Variants in ENTPD6 observed in about 807,000 individuals in gnomAD.
ENTPD6 encodes the protein CD39 antigen-like 2.
Under a neutral mutation model 61.5 loss-of-function variants are expected in ENTPD6, and 46 were observed. The ratio of observed to expected loss-of-function variants is 0.75; its 90% CI spans 0.59 to 0.96. The LOEUF (loss-of-function observed/expected upper bound fraction) is 0.96. Among genes scored for constraint, ENTPD6 ranks in the 40% least tolerant of loss-of-function variants. The pLI is 0.00. For synonymous variants in ENTPD6, 252 were observed against 255.5 expected, an observed-to-expected ratio of 0.99 and a Z score of 0.13; for missense variants, 612 against 629.0, an observed-to-expected ratio of 0.97 and a Z score of 0.29.
At position 25,227,460 on chromosome 20, in the gene ENTPD6, T is replaced by C. The variant is rs758678894; in HGVS notation, c.*1863T>C. ...CAAACAACTGGAAGTTTTCCAAAAG[T>C]GCACCAAATAAGTCATGGAATATTT... On this transcript the variant is annotated 3_prime_UTR_variant, in exon 15 of 15. Transcript: ENST00000376652. Among the ~76,000 whole-genome samples, 2 of 152,220 alleles carry C rather than the reference T, an allele frequency of 1.3e-5. No individual in the cohort carries two copies. Among genetic ancestry groups the C allele is most frequent in the Non-Finnish European group, 2.9e-5 (2 of 68,038 alleles).
intron 10 of ENTPD6, among the ~76,000 whole-genome samples, chr20:25,220,052 C>T (rs6050450): frequency 0.021 from 3,219 of 152,280 alleles, 104 homozygotes; most frequent in African/African-American, 0.07. Flanking sequence ...TCCTCTCACA[C>T]CCAGCAGAGC....
intron 4 of ENTPD6, 70 bp downstream of exon 4, chr20:25,209,995 T>C: frequency 7.5e-7 from 1 of 1,324,820 alleles, no homozygotes; most frequent in South Asian, 1.2e-5. Flanking sequence ...TTCCTTTGAA[T>C]GTGGTAGGCT....
chr20:25,223,015 G>T, intron 12 of ENTPD6, 37 bp downstream of exon 12: 1 of 1,566,974 alleles, frequency 6.4e-7, no homozygotes, highest in East Asian at 2.3e-5. Flanking sequence ...GGAAGGTCGG[G>T]GCGGCAGGGG....
chr20:25,220,128 T>G (rs1005044162), intron 10 of ENTPD6, among the ~76,000 whole-genome samples: 1 of 152,162 alleles, frequency 6.6e-6, no homozygotes, highest in African/African-American at 2.4e-5. Flanking sequence ...ATTTGGGGGC[T>G]GTGAGGACCC....
Position 25,218,575 on chromosome 20 carries a change from G to T in ENTPD6, c.904G>T (p.Ala302Ser). The part of the protein sequence containing the change: ...YSYLGLGLMS[A>S]RLAILGGVEG... The stretch of plus-strand genomic sequence containing the variant: ...CTACCTCGGGCTCGGGCTGATGTCG[G>T]CACGCCTGGCGATCCTGGGCGGCGT... The change falls in exon 10 of 15, where the codon GCA (alanine) becomes TCA (serine). Residue 302 changes from alanine to serine, a missense_variant. By Grantham distance (99) the Ala-to-Ser change is moderately conservative (BLOSUM62 1). Coordinates refer to ENST00000376652, the MANE Select transcript of ENTPD6 (RefSeq NM_001247.5). 1.2e-6 allele frequency: 2 copies of T among 1,607,838 alleles called. No homozygotes were observed. The highest frequency in any genetic ancestry group is 2.2e-5 in the South Asian group (2 of 89,462).
intron 1 of ENTPD6, among the ~76,000 whole-genome samples, chr20:25,199,650 ACTGCCCTCAGCAC>A (rs539905935): frequency 9.3e-4 from 141 of 152,080 alleles, no homozygotes; most frequent in Admixed American, 2.5e-3. Context: ...CTCCTCACCC[ACTGCCCTCAGCAC>A]CTGCCCTTCT....
intron 8 of ENTPD6, 92 bp downstream of exon 8, chr20:25,216,828 TGGGGTGG>T: frequency 3.3e-6 from 1 of 301,424 alleles, no homozygotes; most frequent in Non-Finnish European, 6.6e-6. Flanking sequence ...TGCTGCGGGG[TGGGGTGG>T]GGGGTGGGGT....
chr20:25,214,043 G>A (rs979835747), intron 5 of ENTPD6, among the ~76,000 whole-genome samples: 46 of 152,324 alleles, frequency 3.0e-4, no homozygotes, highest in African/African-American at 1.0e-3. Flanking sequence ...GCTGAAGCCC[G>A]TTTGTTCCCC....
At chr20:25,213,489 C>CGGTGAG in intron 5 of ENTPD6, 83 bp downstream of exon 5, 2 of 1,420,346 alleles carry the variant, frequency 1.4e-6, no homozygotes, top group Admixed American at 4.6e-5. Flanking sequence ...TCACCAGTGC[C>CGGTGAG]GCACCATCAG....
At chr20:25,224,035 C>T (rs1004660486) in intron 12 of ENTPD6, 66 bp from the exon 13 acceptor site, 8 of 1,499,322 alleles carry the variant, frequency 5.3e-6, no homozygotes, top group African/African-American at 1.4e-5. Context: ...CCGTGCCAGC[C>T]TCACGTCTCA....
In ENTPD6 at chr20:25,213,985, G is replaced by A. The variant is rs550709898; in HGVS notation, c.597+579G>A. On this transcript the variant is annotated intron_variant, in intron 5 of 14. Transcript: ENST00000376652. ...ATAAAAGCGCATGGTGCCTTCAAGG[G>A]ACTTGATCCTGGTCAGAAGTTTGTG... Among the ~76,000 whole-genome samples the A allele has an allele frequency of 3.4e-4, 52 of 152,334 alleles. No individual in the cohort carries two copies. In the South Asian group the frequency reaches 8.9e-3, roughly 26 times the overall value.
chr20:25,201,437 G>A (rs1428107856), intron 1 of ENTPD6, among the ~76,000 whole-genome samples: 1 of 152,106 alleles, frequency 6.6e-6, no homozygotes, highest in Non-Finnish European at 1.5e-5. Flanking sequence ...ATATTTAGGG[G>A]TTTTGATGTT....
intron 10 of ENTPD6, 84 bp from the exon 11 acceptor site, chr20:25,221,148 A>G (rs563136537): frequency 1.9e-6 from 2 of 1,057,618 alleles, no homozygotes; most frequent in African/African-American, 1.6e-5. Context: ...GTGTCAAGCC[A>G]GGGCCTCCGC....
chr20:25,223,031 G>T, intron 12 of ENTPD6, 53 bp downstream of exon 12: 2 of 1,464,698 alleles, frequency 1.4e-6, no homozygotes, highest in East Asian at 2.4e-5. Flanking sequence ...AGGGGGCGGG[G>T]GTGGAGGGCG....
intron 13 of ENTPD6, 123 bp from the exon 14 acceptor site, chr20:25,225,082 G>C: frequency 6.9e-7 from 1 of 1,450,834 alleles, no homozygotes; most frequent in Non-Finnish European, 9.2e-7. Flanking sequence ...CTGCGGCCTT[G>C]TCTGTGAATC....
chr20:25,214,637 G>T, intron 5 of ENTPD6: 1 of 515,704 alleles, frequency 1.9e-6, no homozygotes, highest in Non-Finnish European at 3.5e-6. Context: ...CTGGGGTTTC[G>T]TTACTGCCTG....
rs1442643647 is a variant in ENTPD6, at chr20:25,227,211, C to T, written c.*1614C>T. Among the ~76,000 whole-genome samples, 3 of 152,206 alleles carry T rather than the reference C, an allele frequency of 2.0e-5. No homozygotes were observed. Among genetic ancestry groups the T allele is most frequent in the Admixed American group, 6.5e-5 (1 of 15,286 alleles). On this transcript the variant is annotated 3_prime_UTR_variant, in exon 15 of 15. Coordinates refer to ENST00000376652, the MANE Select transcript of ENTPD6 (RefSeq NM_001247.5). ...GCTGCAGCGAATGCTGATGGAGCCA[C>T]GTGGTGGAGGCCTGCACAGAGCAGG...
intron 5 of ENTPD6, among the ~76,000 whole-genome samples, chr20:25,214,455 C>A (rs539306547): frequency 6.6e-6 from 1 of 152,334 alleles, no homozygotes; most frequent in East Asian, 1.9e-4. Context: ...CCCAGCAGGC[C>A]CAGTGTGCCC....
chr20:25,221,290 G>A lies in ENTPD6; in HGVS notation c.1002G>A (p.Trp334Ter). Residue 334 changes from tryptophan to a stop codon, truncating the protein, a stop_gained, in exon 11 of 15, where the codon TGG becomes TGA. Coordinates refer to ENST00000376652, the MANE Select transcript of ENTPD6 (RefSeq NM_001247.5). LOFTEE classifies it high-confidence loss of function. ...TGTCTCCCAGTTTCAAAGGAGAGTG[G>A]GAACACGCAGAAGTCACGTACAGGG... is the stretch of plus-strand genomic sequence containing the variant. Reference protein sequence around the residue: ...PCLSPSFKGEWEHAEVTYRVS... With the variant: ...PCLSPSFKGE The A allele has an allele frequency of 6.2e-7, 1 of 1,614,156 alleles. No individual in the cohort carries two copies. Among genetic ancestry groups the A allele is most frequent in the East Asian group, 2.2e-5 (1 of 44,872 alleles).
Sources: gnomAD v4.1 joint callset for allele counts (sites outside exome capture counted in the v4.1 genomes callset) on GRCh38, gnomAD v4.1.1 for gene constraint, MANE v1.5 for transcripts, NCBI Gene and HGNC (gene_info 2026-07-23, HGNC 2026-07-21) for gene names.